The following NSDHL variants were observed in gnomAD, a reference collection of about 807,000 sequenced individuals.
NSDHL encodes sterol-4-alpha-carboxylate 3-dehydrogenase, decarboxylating.
A neutral mutation model predicts 23.0 loss-of-function variants in NSDHL; 1 was observed. The ratio of observed to expected loss-of-function variants is 0.04; its 90% CI spans 0.02 to 0.21. The LOEUF (loss-of-function observed/expected upper bound fraction) is 0.21. Ranked by LOEUF, NSDHL falls within the 10% of genes least tolerant of loss-of-function variation. The probability of loss-of-function intolerance (pLI) is 1.00; values close to 1 mark genes in which losing one functional copy is unlikely to be tolerated. For synonymous variants in NSDHL, 128 were observed against 121.1 expected, an observed-to-expected ratio of 1.06 and a Z score of -0.37; for missense variants, 237 against 300.9, an observed-to-expected ratio of 0.79 and a Z score of 1.57.
In NSDHL at chrX:152,867,556, C is replaced by G. The variant is rs782152348; in HGVS notation, c.687-15C>G. On this transcript the variant is annotated splice_polypyrimidine_tract_variant and intron_variant, in intron 6 of 7. Transcript: ENST00000370274. ...GCTCCCAGCACGTATTCCATCATCC[C>G]TTGTGCACCTGCAGAAATGGGAAGA... 21 of 1,150,513 alleles carry G rather than the reference C, an allele frequency of 1.8e-5. No homozygotes were observed. The highest frequency in any genetic ancestry group is 2.4e-5 in the Non-Finnish European group (20 of 840,516). The allele number at this position is 1,150,513 out of a possible 1,213,427, so 94.8% of individuals were successfully genotyped here.
chrX:152,855,097 C>G (rs1933423506), intron 3 of NSDHL, among the ~76,000 whole-genome samples: 3 of 107,659 alleles, frequency 2.8e-5, no homozygotes, highest in Admixed American at 2.0e-4. Flanking sequence ...TGGGTTCAAG[C>G]AATTCTCCTG....
intron 2 of NSDHL, among the ~76,000 whole-genome samples, chrX:152,847,716 A>G (rs1044105266): frequency 1.8e-5 from 2 of 112,017 alleles, no homozygotes; most frequent in Non-Finnish European, 3.8e-5. Flanking sequence ...TTAACTTACT[A>G]TACGTTCTGC....
intron 1 of NSDHL, among the ~76,000 whole-genome samples, chrX:152,834,712 A>G (rs1000109183): frequency 4.2e-4 from 47 of 112,981 alleles, no homozygotes; most frequent in African/African-American, 1.5e-3. Flanking sequence ...AGAGGAGGCC[A>G]AGCATGAGGC....
intron 1 of NSDHL, among the ~76,000 whole-genome samples, chrX:152,833,689 C>G (rs782734250): frequency 8.9e-6 from 1 of 112,322 alleles, no homozygotes; most frequent in Admixed American, 9.4e-5. Context: ...CTTTTGAAGT[C>G]AGCTTAGGGA....
rs1193252944 is a variant in NSDHL at position 152,869,705 on chromosome X, C to T, written c.*589C>T. On this transcript the variant is annotated 3_prime_UTR_variant, in exon 8 of 8. Transcript: ENST00000370274. The stretch of plus-strand genomic sequence containing the variant: ...TCTCTGTTGCTTGTTCAACTCCTTA[C>T]ATGTTCCACATTCTCTTTCAGGTAC... 1 of 125,352 alleles carries T rather than the reference C, an allele frequency of 8.0e-6. No individual in the cohort carries two copies. Among genetic ancestry groups the T allele is most frequent in the East Asian group, 2.1e-4 (1 of 4,664 alleles). 10.3% of individuals were successfully genotyped at this position (125,352 alleles called of 1,213,427 possible). A position where few individuals can be genotyped will look rare whatever the true frequency, so the allele number is the denominator to read the frequency against.
chrX:152,836,971 T>C (rs1413420003), intron 1 of NSDHL, among the ~76,000 whole-genome samples: 1 of 112,175 alleles, frequency 8.9e-6, no homozygotes, highest in African/African-American at 3.2e-5. Flanking sequence ...TGTCCTCTTT[T>C]ATTTCGTTGA....
At chrX:152,837,167 T>C (rs1556844222) in intron 1 of NSDHL, among the ~76,000 whole-genome samples, 3 of 112,229 alleles carry the variant, frequency 2.7e-5, no homozygotes, top group Non-Finnish European at 5.6e-5. Flanking sequence ...TCCTGAGACT[T>C]TGCTGAAGTT....
chrX:152,857,142 C>T (rs1180181475), intron 3 of NSDHL, among the ~76,000 whole-genome samples: 1 of 112,326 alleles, frequency 8.9e-6, no homozygotes, highest in African/African-American at 3.2e-5. Flanking sequence ...GGAATGCCAA[C>T]TAATAAATGT....
At chrX:152,832,319 C>T (rs1362177558) in intron 1 of NSDHL, among the ~76,000 whole-genome samples, 1 of 112,055 alleles carries the variant, frequency 8.9e-6, no homozygotes, top group African/African-American at 3.3e-5. Context: ...TTGTTTTGCT[C>T]TTTGTTGTCC....
At position 152,846,367 on chromosome X, in the gene NSDHL, C is replaced by T. The variant is rs121909832; in HGVS notation, c.43C>T (p.Arg15Trp). Reference sequence around the variant, plus strand: ...CGAGCCAATGAGAGACCAAGTCGCACGGACTCATTTGACAGAGGACACTCC... The same window carrying T: ...CGAGCCAATGAGAGACCAAGTCGCATGGACTCATTTGACAGAGGACACTCC... Reference protein sequence around the residue: ...VSEPMRDQVARTHLTEDTPKV... With the variant: ...VSEPMRDQVAWTHLTEDTPKV... The change falls in exon 2 of 8, where the codon CGG becomes TGG. Residue 15 changes from arginine (R) to tryptophan (W), a missense_variant. Arg to Trp is a moderately radical substitution (Grantham distance 101). Around this residue, in one of 3 missense-constraint regions of NSDHL, gnomAD observed 81 missense variants for 103.3 expected, o/e 0.78. Coordinates refer to ENST00000370274, the MANE Select transcript of NSDHL (RefSeq NM_015922.3). 2.5e-5 allele frequency: 30 copies of T among 1,209,346 alleles called. No homozygotes were observed. Among genetic ancestry groups the T allele is most frequent in the Middle Eastern group, 2.3e-4 (1 of 4,371 alleles).
chrX:152,848,008 G>A (rs1299530911), intron 2 of NSDHL, among the ~76,000 whole-genome samples: 6 of 109,695 alleles, frequency 5.5e-5, no homozygotes, highest in Non-Finnish European at 9.5e-5. Context: ...GACTACAGGC[G>A]CCTACCACCA....
chrX:152,869,682 T>G lies in NSDHL; in HGVS notation c.*566T>G, dbSNP rs1165259434. 7.8e-6 allele frequency: 1 copy of G among 128,768 alleles called. No homozygotes were observed. The highest frequency in any genetic ancestry group is 1.6e-5 in the Non-Finnish European group (1 of 61,949). 10.6% of individuals were successfully genotyped at this position (128,768 alleles called of 1,213,427 possible). Reference sequence around the variant, plus strand: ...AAATGACTGTAATTCCTCCCCAGTCTCTGTTGCTTGTTCAACTCCTTACAT... The same window carrying G: ...AAATGACTGTAATTCCTCCCCAGTCGCTGTTGCTTGTTCAACTCCTTACAT... On this transcript the variant is annotated 3_prime_UTR_variant, in exon 8 of 8. Coordinates refer to ENST00000370274, the MANE Select transcript of NSDHL (RefSeq NM_015922.3).
intron 3 of NSDHL, among the ~76,000 whole-genome samples, chrX:152,856,892 A>G (rs1263199676): frequency 8.9e-6 from 1 of 112,337 alleles, no homozygotes; most frequent in Non-Finnish European, 1.9e-5. Flanking sequence ...CCCCATCTCT[A>G]CTAAAATACA....
intron 3 of NSDHL, among the ~76,000 whole-genome samples, chrX:152,857,810 T>G (rs1331360376): frequency 1.8e-5 from 2 of 111,752 alleles, no homozygotes; most frequent in African/African-American, 6.5e-5. Context: ...TGTGAAGCGT[T>G]TAGAGGCAGC....
At chrX:152,868,388 G>A (rs991350977) in intron 7 of NSDHL, among the ~76,000 whole-genome samples, 3 of 111,469 alleles carry the variant, frequency 2.7e-5, no homozygotes. Context: ...CCGCCTCTGC[G>A]TCCCAAAGTG....
Position 152,863,627 on chromosome X carries a change from G to A in NSDHL, c.543+903G>A, listed in dbSNP as rs189179163. Among the ~76,000 whole-genome samples the A allele has an allele frequency of 3.5e-5, 4 of 112,913 alleles. No individual in the cohort carries two copies. In the East Asian group the frequency reaches 8.4e-4, roughly 24 times the overall value. ...TTTTAGTATGGTTGGATTCAGCCAC[G>A]GTCGCTACCAAGCCTTCAGGCTGCT... On this transcript the variant is annotated intron_variant, in intron 5 of 7. Coordinates refer to ENST00000370274, the MANE Select transcript of NSDHL (RefSeq NM_015922.3).
chrX:152,860,153 A>G (rs1933504016), intron 4 of NSDHL, among the ~76,000 whole-genome samples: 1 of 112,431 alleles, frequency 8.9e-6, no homozygotes, highest in African/African-American at 3.2e-5. Flanking sequence ...GCAGGGTTGG[A>G]GCTCTTCTGG....
Position 152,858,820 on chromosome X carries a change from A to G in NSDHL, c.318A>G (p.Ser106=). 1 of 1,205,462 alleles carries G rather than the reference A, an allele frequency of 8.3e-7. No homozygotes were observed. Among genetic ancestry groups the G allele is most frequent in the Non-Finnish European group, 1.1e-6 (1 of 890,106 alleles). ...TAAACACAGTTTTCCACTGTGCGTC[A>G]CCCCCACCATCCAGTAACAACAAGG... ...KGVNTVFHCA[S]PPPSSNNKEL... is the part of the protein sequence containing the mutation. The change falls in exon 4 of 8, where the codon TCA becomes TCG. Residue 106 remains serine, a synonymous_variant. Transcript: ENST00000370274.
intron 1 of NSDHL, among the ~76,000 whole-genome samples, chrX:152,835,409 C>A (rs887137995): frequency 1.7e-4 from 18 of 108,922 alleles, no homozygotes; most frequent in African/African-American, 6.1e-4. Flanking sequence ...CCCATCAACT[C>A]GTCATTTACA....
Sources: gnomAD v4.1 joint callset for allele counts (sites outside exome capture counted in the v4.1 genomes callset) on GRCh38, gnomAD v4.1.1 for gene constraint, gnomAD v4.1.1 regional missense constraint, MANE v1.5 for transcripts, NCBI Gene and HGNC (gene_info 2026-07-23, HGNC 2026-07-21) for gene names.